Variants in ACSL1 observed in about 807,000 individuals in gnomAD.
ACSL1 encodes the protein acyl-CoA synthetase long chain family member 1, also known as long-chain-fatty-acid--CoA ligase 1.
ACSL1 carries 41 observed loss-of-function variants against 98.4 expected under a neutral mutation model. The observed-to-expected ratio is 0.42, with a 90% confidence interval of 0.32 to 0.54. ACSL1 has a LOEUF of 0.54. Among genes scored for constraint, ACSL1 ranks in the 20% least tolerant of loss-of-function variants. ACSL1 has a pLI of 0.13. For missense variants in ACSL1, 734 were observed against 883.1 expected, an observed-to-expected ratio of 0.83 and a Z score of 2.14; for synonymous variants, 316 against 322.7, an observed-to-expected ratio of 0.98 and a Z score of 0.22.
chr4:184,790,009 A>G (rs1768068806), intron 2 of ACSL1, among the ~76,000 whole-genome samples: 1 of 152,112 alleles, frequency 6.6e-6, no homozygotes. Context: ...CAAAAGTGGA[A>G]GAGATCGTTT....
chr4:184,812,738 C>CT (rs1772245721), intron 1 of ACSL1, among the ~76,000 whole-genome samples: 1 of 152,060 alleles, frequency 6.6e-6, no homozygotes, highest in Non-Finnish European at 1.5e-5. Context: ...CAAGGCTGCC[C>CT]CGGGGGAAGG....
At chr4:184,769,470 A>G (rs1256877889) in intron 11 of ACSL1, among the ~76,000 whole-genome samples, 3 of 152,234 alleles carry the variant, frequency 2.0e-5, no homozygotes, top group African/African-American at 7.2e-5. Context: ...CTGTTTAACA[A>G]TTACAGCTCA....
rs564878603 is a variant in ACSL1 at position 184,773,422 on chromosome 4, T to C, written c.841+241A>G. On this transcript the variant is annotated intron_variant, in intron 9 of 20. Transcript: ENST00000281455. The surrounding 1 kb of genome is among the most constrained non-coding windows in gnomAD (Gnocchi z 4.3). ...ATTTTCTTCCTGGGAGCCACCGATA[T>C]AGTCTGTCCTAGGAAGACAGGTGAA... 2.8e-4 allele frequency among the ~76,000 whole-genome samples: 42 copies of C among 152,332 alleles called. No individual in the cohort carries two copies. Among genetic ancestry groups the C allele is most frequent in the Middle Eastern group, 3.4e-3 (1 of 294 alleles).
At chr4:184,777,921 T>C (rs1479463234) in intron 5 of ACSL1, among the ~76,000 whole-genome samples, 1 of 151,390 alleles carries the variant, frequency 6.6e-6, no homozygotes, top group Non-Finnish European at 1.5e-5. Flanking sequence ...CCACTGAGAG[T>C]TTCTCAGCAA....
intron 2 of ACSL1, among the ~76,000 whole-genome samples, chr4:184,796,382 T>C (rs1188075045): frequency 2.0e-5 from 3 of 152,176 alleles, no homozygotes; most frequent in Non-Finnish European, 4.4e-5. Context: ...GAACCCTGAC[T>C]AATACACCAC....
intron 2 of ACSL1, among the ~76,000 whole-genome samples, chr4:184,793,346 T>G (rs547173490): frequency 6.6e-6 from 1 of 152,122 alleles, no homozygotes; most frequent in Non-Finnish European, 1.5e-5. Context: ...AAGTCCCCCT[T>G]GGGGGCAGGA....
intron 10 of ACSL1, among the ~76,000 whole-genome samples, chr4:184,771,664 CAG>C (rs1561188847): frequency 1.3e-5 from 2 of 152,130 alleles, no homozygotes; most frequent in African/African-American, 2.4e-5. Flanking sequence ...CTGGCCAAAA[CAG>C]GGGGTGTGCA....
intron 17 of ACSL1, among the ~76,000 whole-genome samples, chr4:184,760,709 T>G (rs1762738012): frequency 6.6e-6 from 1 of 152,214 alleles, no homozygotes; most frequent in Admixed American, 6.5e-5. Flanking sequence ...TTTGGCCAAG[T>G]GCAGAGACAG....
At chr4:184,806,035 T>C (rs1478832674) in intron 1 of ACSL1, among the ~76,000 whole-genome samples, 1 of 152,148 alleles carries the variant, frequency 6.6e-6, no homozygotes, top group Non-Finnish European at 1.5e-5. Flanking sequence ...GACGAATACA[T>C]AGGAATTGAG....
In ACSL1 at chr4:184,763,182, G is replaced by C; in HGVS notation, c.1506C>G (p.Ala502=). The C allele has an allele frequency of 3.7e-6, 6 of 1,613,838 alleles. No individual in the cohort carries two copies. In the Admixed American group the frequency reaches 5.0e-5, roughly 13 times the overall value. ...VDVEEMNYMA[A]EGEGEVCVKG... is the part of the protein sequence containing the mutation. ...TTTCACTCACCTCGCCCTCGCCCTC[G>C]GCAGCCATGTAATTCATTTCTTCCA... The change falls in exon 16 of 21, where the codon GCC becomes GCG. Residue 502 remains alanine (A), a synonymous_variant. Coordinates refer to ENST00000281455, the MANE Select transcript of ACSL1 (RefSeq NM_001995.5).
At chr4:184,785,560 C>T (rs1767069622) in intron 3 of ACSL1, among the ~76,000 whole-genome samples, 1 of 127,916 alleles carries the variant, frequency 7.8e-6, no homozygotes, top group Admixed American at 1.1e-4. Context: ...CTACAGTAGC[C>T]TAAGAAAATC....
chr4:184,775,580 A>T (rs1334422314), intron 7 of ACSL1, among the ~76,000 whole-genome samples: 2 of 152,176 alleles, frequency 1.3e-5, no homozygotes, highest in East Asian at 3.8e-4. Context: ...ACTGAGAGAG[A>T]GAGTTGGGCA....
At chr4:184,772,016 C>A (rs1429993718) in intron 10 of ACSL1, among the ~76,000 whole-genome samples, 1 of 152,142 alleles carries the variant, frequency 6.6e-6, no homozygotes, top group Non-Finnish European at 1.5e-5. Flanking sequence ...AAAATATTGT[C>A]CATTATCATG....
chr4:184,769,344 T>G (rs940627221), intron 11 of ACSL1, among the ~76,000 whole-genome samples: 1 of 152,126 alleles, frequency 6.6e-6, no homozygotes, highest in African/African-American at 2.4e-5. Flanking sequence ...CATATGGACC[T>G]GACAGTTTGC....
At chr4:184,823,630 AAC>A in intron 1 of ACSL1, among the ~76,000 whole-genome samples, 1 of 152,192 alleles carries the variant, frequency 6.6e-6, no homozygotes, top group East Asian at 1.9e-4. Context: ...TTTTCCACAA[AAC>A]AGTTACATCA....
Position 184,780,507 on chromosome 4 carries a change from C to T in ACSL1, c.376-74G>A, listed in dbSNP as rs530168598. 4.4e-5 allele frequency: 47 copies of T among 1,072,246 alleles called. 1 individual carries two copies. In the South Asian group the frequency reaches 5.6e-4, roughly 13 times the overall value. 66.4% of individuals were successfully genotyped at this position (1,072,246 alleles called of 1,614,324 possible). A position where few individuals can be genotyped will look rare whatever the true frequency, so the allele number is the denominator to read the frequency against. On this transcript the variant is annotated intron_variant, in intron 4 of 20. Transcript: ENST00000281455. Reference sequence around the variant, plus strand: ...GAAACAAAGCTGACCAGACGGCAGGCTTGTATCTCAGCCAGCAAGCAATGC... The same window carrying T: ...GAAACAAAGCTGACCAGACGGCAGGTTTGTATCTCAGCCAGCAAGCAATGC...
intron 14 of ACSL1, 89 bp from the exon 15 acceptor site, chr4:184,765,014 C>T (rs2150285296): frequency 8.0e-7 from 1 of 1,257,522 alleles, no homozygotes; most frequent in South Asian, 1.3e-5. Flanking sequence ...CACTAACTCC[C>T]AAGTCATGGC....
At chr4:184,778,696 T>C (rs900727924) in intron 5 of ACSL1, among the ~76,000 whole-genome samples, 3 of 152,214 alleles carry the variant, frequency 2.0e-5, no homozygotes, top group Non-Finnish European at 4.4e-5. Flanking sequence ...CCCAACACAG[T>C]GTCTGACATA....
chr4:184,767,163 T>C (rs1763736702), intron 12 of ACSL1, among the ~76,000 whole-genome samples: 1 of 151,372 alleles, frequency 6.6e-6, no homozygotes. Flanking sequence ...ATGCCTGCGG[T>C]CCCAGCTACT....
Sources: gnomAD v4.1 joint callset for allele counts (sites outside exome capture counted in the v4.1 genomes callset) on GRCh38, gnomAD v4.1.1 for gene constraint, Gnocchi (gnomAD v3.1) non-coding constraint, MANE v1.5 for transcripts, NCBI Gene and HGNC (gene_info 2026-07-23, HGNC 2026-07-21) for gene names.